TEK: variants seen among roughly 807,000 people sequenced by gnomAD.
TEK encodes the protein TEK receptor tyrosine kinase.
TEK carries 43 observed loss-of-function variants against 131.8 expected under a neutral mutation model. The ratio of observed to expected loss-of-function variants is 0.33; its 90% CI spans 0.26 to 0.42. TEK has a LOEUF of 0.42. Ranked by LOEUF, TEK falls within the 10% of genes least tolerant of loss-of-function variation. The probability of loss-of-function intolerance (pLI) is 1.00; values close to 1 mark genes in which losing one functional copy is unlikely to be tolerated. For missense variants in TEK, 1,162 were observed against 1,384.4 expected (o/e 0.84, Z 2.55); for synonymous variants, 580 against 491.6 (o/e 1.18, Z -2.38).
chr9:27,139,941 C>T (rs949755175), intron 1 of TEK, among the ~76,000 whole-genome samples: 1 of 152,128 alleles, frequency 6.6e-6, no homozygotes, highest in Non-Finnish European at 1.5e-5. Flanking sequence ...CTATGTTCCC[C>T]CTGTCCTGCC....
At chr9:27,138,028 T>C (rs1445022565) in intron 1 of TEK, among the ~76,000 whole-genome samples, 3 of 152,126 alleles carry the variant, frequency 2.0e-5, no homozygotes, top group Admixed American at 1.3e-4. Context: ...TCCCAGTGAG[T>C]GTTACAGCTC....
Position 27,214,189 on chromosome 9 carries a change from AGATACTCATTCT to A in TEK, c.2991+594_2991+605del, listed in dbSNP as rs545314787. ...TAACCATACAGTCTTAGAGGAAGAG[AGATACTCATTCT>A]GCTTTTGGTGCCCAGTCTAGAATCA... On this transcript the variant is annotated intron_variant, in intron 18 of 22. Transcript: ENST00000380036. Among the ~76,000 whole-genome samples, 11 of 152,358 alleles carry A rather than the reference AGATACTCATTCT, an allele frequency of 7.2e-5. No individual in the cohort carries two copies. In the East Asian group the frequency reaches 2.1e-3, roughly 29 times the overall value.
chr9:27,181,396 C>T (rs1299255712), intron 7 of TEK, among the ~76,000 whole-genome samples: 2 of 152,130 alleles, frequency 1.3e-5, no homozygotes, highest in Non-Finnish European at 2.9e-5. Context: ...TGTCAGTGGA[C>T]CCATGCAGTT....
chr9:27,172,873 T>C (rs768361926), intron 5 of TEK, 126 bp downstream of exon 5: 16 of 1,303,096 alleles, frequency 1.2e-5, no homozygotes, highest in Non-Finnish European at 1.6e-5. Flanking sequence ...AGATGGTACC[T>C]GTGTGTGAAT....
chr9:27,161,354 G>A (rs1286070320), intron 2 of TEK, among the ~76,000 whole-genome samples: 1 of 152,198 alleles, frequency 6.6e-6, no homozygotes, highest in African/African-American at 2.4e-5. Context: ...ATCATCATCT[G>A]TGAAATGGGT....
chr9:27,211,432 CTTTTT>C (rs138801213), intron 16 of TEK, among the ~76,000 whole-genome samples: 1 of 70,526 alleles, frequency 1.4e-5, no homozygotes, highest in South Asian at 7.7e-4. Context: ...ATCTTTCAAG[CTTTTT>C]TTTTTTTTTT....
intron 6 of TEK, among the ~76,000 whole-genome samples, chr9:27,173,729 T>A (rs1382154186): frequency 1.5e-5 from 2 of 131,716 alleles, no homozygotes; most frequent in Non-Finnish European, 3.1e-5. Flanking sequence ...ACTTGTTTTT[T>A]TTTTTTGGTT....
At chr9:27,114,322 C>G (rs1209494586) in intron 1 of TEK, among the ~76,000 whole-genome samples, 3 of 152,146 alleles carry the variant, frequency 2.0e-5, no homozygotes, top group Non-Finnish European at 2.9e-5. Context: ...CCTGTAATCC[C>G]AGCACTTTGG....
chr9:27,203,786 ATG>A (rs1392084751), intron 13 of TEK, among the ~76,000 whole-genome samples: 2 of 152,210 alleles, frequency 1.3e-5, no homozygotes, highest in African/African-American at 4.8e-5. Flanking sequence ...GTGCCAGAGA[ATG>A]TAGATGGAGG....
At chr9:27,220,489 AAG>A (rs1349923054) in intron 21 of TEK, among the ~76,000 whole-genome samples, 27 of 151,982 alleles carry the variant, frequency 1.8e-4, no homozygotes, top group Non-Finnish European at 2.6e-4. Flanking sequence ...AAGATTAATT[AAG>A]AAGGATACAT....
chr9:27,217,845 G>A (rs867115288), intron 19 of TEK, 87 bp downstream of exon 19: 25 of 1,209,932 alleles, frequency 2.1e-5, no homozygotes, highest in Non-Finnish European at 2.9e-5. Context: ...ATACAGGAAT[G>A]TCCTGTAGCT....
intron 1 of TEK, among the ~76,000 whole-genome samples, chr9:27,137,814 C>T (rs1822540491): frequency 6.6e-6 from 1 of 152,004 alleles, no homozygotes; most frequent in South Asian, 2.1e-4. Flanking sequence ...TTTTTTCTCT[C>T]TGCCTTTCCT....
chr9:27,218,879 A>T (rs976494178), intron 20 of TEK, 62 bp downstream of exon 20: 1 of 1,495,882 alleles, frequency 6.7e-7, no homozygotes, highest in African/African-American at 1.4e-5. Flanking sequence ...AGCCTCTAGC[A>T]CTCCCTTGCT....
intron 13 of TEK, among the ~76,000 whole-genome samples, chr9:27,204,525 G>A (rs889853627): frequency 6.6e-6 from 1 of 152,032 alleles, no homozygotes; most frequent in Non-Finnish European, 1.5e-5. Context: ...TTCTAGGTGG[G>A]GAAATTGAGG....
intron 1 of TEK, among the ~76,000 whole-genome samples, chr9:27,116,077 G>A (rs1273292864): frequency 2.0e-5 from 3 of 152,166 alleles, no homozygotes; most frequent in African/African-American, 7.2e-5. Flanking sequence ...GGACTGTGAG[G>A]ATAACAGGGG....
intron 21 of TEK, among the ~76,000 whole-genome samples, chr9:27,224,525 G>C (rs1345959263): frequency 1.3e-5 from 2 of 152,062 alleles, no homozygotes; most frequent in African/African-American, 2.4e-5. Flanking sequence ...TATCTCAATA[G>C]ATGGAGAAAA....
At chr9:27,149,823 G>A (rs1277155466) in intron 1 of TEK, among the ~76,000 whole-genome samples, 1 of 152,114 alleles carries the variant, frequency 6.6e-6, no homozygotes, top group Non-Finnish European at 1.5e-5. Flanking sequence ...GCAGGTAATT[G>A]AATCAGGAGA....
At chr9:27,192,398 A>G (rs1824853251) in intron 10 of TEK, 91 bp from the exon 11 acceptor site, 1 of 1,511,316 alleles carries the variant, frequency 6.6e-7, no homozygotes, top group Admixed American at 1.7e-5. Context: ...TTGAAAACCT[A>G]AAATTAGTTC....
In TEK at chr9:27,161,096, CA is replaced by C. The variant is rs369984499; in HGVS notation, c.364+2957del. On this transcript the variant is annotated intron_variant, in intron 2 of 22. Transcript: ENST00000380036. ...AATGTATAAATAAGAACATGTAAAG[CA>C]AACTGGACCAGAACATTGGGAGTTA... is the stretch of plus-strand genomic sequence containing the variant. Among the ~76,000 whole-genome samples, 74 of 152,286 alleles carry C rather than the reference CA, an allele frequency of 4.9e-4. 1 individual carries two copies. In the East Asian group the frequency reaches 0.013, roughly 26 times the overall value.
Sources: allele counts gnomAD v4.1 joint callset (sites outside exome capture counted in the v4.1 genomes callset), GRCh38; gene constraint gnomAD v4.1.1; transcripts MANE v1.5; gene names NCBI Gene and HGNC (gene_info 2026-07-23, HGNC 2026-07-21).